The following CACNG5 variants were observed in gnomAD, a reference collection of about 807,000 sequenced individuals.
The protein encoded by CACNG5 is voltage-dependent calcium channel gamma-5 subunit.
CACNG5 carries 18 observed loss-of-function variants against 24.8 expected under a neutral mutation model. The observed-to-expected ratio is 0.73, with a 90% confidence interval of 0.50 to 1.08. The LOEUF (loss-of-function observed/expected upper bound fraction) is 1.08, where lower values mean the gene tolerates loss of function less well. CACNG5 is among the 50% of genes least tolerant of loss of function. The pLI is 0.00. For synonymous variants in CACNG5, 157 were observed against 149.1 expected (o/e 1.05, Z -0.39); for missense variants, 349 against 367.9 (o/e 0.95, Z 0.42).
At chr17:66,872,366 G>T (rs569503442) in intron 1 of CACNG5, among the ~76,000 whole-genome samples, 1 of 152,138 alleles carries the variant, frequency 6.6e-6, no homozygotes, top group Non-Finnish European at 1.5e-5. Flanking sequence ...GCAGAAGCTC[G>T]AACAAGGGTC....
chr17:66,863,787 T>C (rs1393807092), intron 1 of CACNG5, among the ~76,000 whole-genome samples: 1 of 152,250 alleles, frequency 6.6e-6, no homozygotes, highest in Non-Finnish European at 1.5e-5. Flanking sequence ...AGTAATTTTT[T>C]TGATTCAAGT....
At chr17:66,876,689 T>C (rs924756434) in intron 1 of CACNG5, among the ~76,000 whole-genome samples, 3 of 152,220 alleles carry the variant, frequency 2.0e-5, no homozygotes, top group Admixed American at 2.0e-4. Flanking sequence ...AAATCTTCCC[T>C]GCCTCTCTAC....
At chr17:66,852,081 A>G (rs2143049287) in intron 1 of CACNG5, among the ~76,000 whole-genome samples, 1 of 152,350 alleles carries the variant, frequency 6.6e-6, no homozygotes, top group East Asian at 1.9e-4. Flanking sequence ...ACAAAAAGGC[A>G]GGGGACAGGC....
intron 1 of CACNG5, among the ~76,000 whole-genome samples, chr17:66,863,858 A>G (rs139956468): frequency 1.7e-3 from 260 of 152,312 alleles, no homozygotes; most frequent in African/African-American, 5.6e-3. Context: ...GTTGCCTTCA[A>G]TGTTGAGGGA....
In CACNG5 at chr17:66,838,960, C is replaced by CTTTTTTTTTTTTTTTTTTTTTTTTTTTT. The variant is rs71160595; in HGVS notation, c.-104+3729_-104+3730insTTTTTTTTTTTTTTTTTTTTTTTTTTTT. Among the ~76,000 whole-genome samples the CTTTTTTTTTTTTTTTTTTTTTTTTTTTT allele has an allele frequency of 7.3e-4, 64 of 88,092 alleles. 3 individuals carry two copies. The highest frequency in any genetic ancestry group is 1.1e-3 in the Non-Finnish European group (53 of 47,296). The allele number at this position is 88,092 out of a possible 152,430, so 57.8% of individuals were successfully genotyped here. A position where few individuals can be genotyped will look rare whatever the true frequency, so the allele number is the denominator to read the frequency against. ...GTAGCACCCCAGTCCCTCACCCATT[C>CTTTTTTTTTTTTTTTTTTTTTTTTTTTT]TTTTTTTTTTTTTTTTTTTGAGACA... is the stretch of plus-strand genomic sequence containing the variant. On this transcript the variant is annotated intron_variant, in intron 1 of 5. Coordinates refer to ENST00000533854, the MANE Select transcript of CACNG5 (RefSeq NM_145811.3).
At chr17:66,855,330 C>G (rs908675954) in intron 1 of CACNG5, among the ~76,000 whole-genome samples, 16 of 152,310 alleles carry the variant, frequency 1.1e-4, no homozygotes, top group Middle Eastern at 3.4e-3. Flanking sequence ...TTAATTGGCC[C>G]CAGGCCCGGG....
chr17:66,876,865 G>T (rs931225618), intron 1 of CACNG5, among the ~76,000 whole-genome samples: 3 of 152,166 alleles, frequency 2.0e-5, no homozygotes, highest in East Asian at 1.9e-4. Flanking sequence ...GCCCTCAATA[G>T]GTCGCATTTA....
intron 1 of CACNG5, among the ~76,000 whole-genome samples, chr17:66,859,666 A>C (rs1424019664): frequency 6.6e-6 from 1 of 152,142 alleles, no homozygotes; most frequent in Non-Finnish European, 1.5e-5. Context: ...GGCTTCTCCA[A>C]TCCCTCCTTC....
intron 4 of CACNG5, among the ~76,000 whole-genome samples, chr17:66,884,007 C>G (rs1205471021): frequency 6.6e-6 from 1 of 152,116 alleles, no homozygotes. Context: ...TGGCAGGCAC[C>G]TGTAATCCCA....
At chr17:66,850,607 C>T (rs1006608261) in intron 1 of CACNG5, among the ~76,000 whole-genome samples, 1 of 151,882 alleles carries the variant, frequency 6.6e-6, no homozygotes, top group South Asian at 2.1e-4. Flanking sequence ...CATACACACA[C>T]ACACACACAC....
At chr17:66,852,595 A>T (rs988566817) in intron 1 of CACNG5, among the ~76,000 whole-genome samples, 4 of 152,238 alleles carry the variant, frequency 2.6e-5, no homozygotes, top group African/African-American at 9.6e-5. Context: ...TATAATTAGT[A>T]TATAATGAAA....
intron 4 of CACNG5, among the ~76,000 whole-genome samples, 165 bp from the exon 5 acceptor site, chr17:66,884,351 G>C (rs1006800703): frequency 6.6e-6 from 1 of 152,090 alleles, no homozygotes; most frequent in African/African-American, 2.4e-5. Context: ...GTCTGAACAG[G>C]GTGCTTGGGA....
At position 66,891,742 on chromosome 17, in the gene CACNG5, T is replaced by C. The variant is rs935485924; in HGVS notation, c.*6502T>C. ...AGATGTGAGGAGTGTCAGAGTTCCA[T>C]TGTGAGGAACACATGAGAGATGGGA... On this transcript the variant is annotated 3_prime_UTR_variant, in exon 6 of 6. Coordinates refer to ENST00000533854, the MANE Select transcript of CACNG5 (RefSeq NM_145811.3). Among the ~76,000 whole-genome samples, 7 of 152,216 alleles carry C rather than the reference T, an allele frequency of 4.6e-5. No homozygotes were observed. Among genetic ancestry groups the C allele is most frequent in the African/African-American group, 1.2e-4 (5 of 41,464 alleles).
At chr17:66,839,151 G>A (rs988888650) in intron 1 of CACNG5, among the ~76,000 whole-genome samples, 4 of 151,604 alleles carry the variant, frequency 2.6e-5, no homozygotes, top group Admixed American at 2.6e-4. Flanking sequence ...TAGTAGAGAT[G>A]GGGTTTTCCC....
intron 1 of CACNG5, among the ~76,000 whole-genome samples, chr17:66,877,004 TGAA>T (rs1977087122): frequency 2.6e-5 from 4 of 152,044 alleles, no homozygotes; most frequent in African/African-American, 9.7e-5. Context: ...AATGAATGAA[TGAA>T]TGAATGAATG....
chr17:66,865,508 G>A (rs1976916510), intron 1 of CACNG5, among the ~76,000 whole-genome samples: 2 of 151,916 alleles, frequency 1.3e-5, no homozygotes, highest in South Asian at 2.1e-4. Flanking sequence ...GTAGAAATAG[G>A]GACTCTTCTG....
intron 1 of CACNG5, among the ~76,000 whole-genome samples, chr17:66,860,340 C>T (rs1328589122): frequency 6.6e-6 from 1 of 152,162 alleles, no homozygotes; most frequent in Non-Finnish European, 1.5e-5. Context: ...CACCCAGACA[C>T]ATCATAGTCA....
intron 1 of CACNG5, among the ~76,000 whole-genome samples, chr17:66,859,661 C>T (rs182864072): frequency 3.3e-5 from 5 of 152,266 alleles, no homozygotes; most frequent in Admixed American, 1.3e-4. Context: ...CCCCAGGCTT[C>T]TCCAATCCCT....
intron 1 of CACNG5, among the ~76,000 whole-genome samples, chr17:66,840,778 C>T (rs77459071): frequency 0.018 from 2,671 of 152,264 alleles, 40 homozygotes; most frequent in Middle Eastern, 0.027. Context: ...ACAGCGAGAC[C>T]CCAGGAAGGA....
Sources: gnomAD v4.1 joint callset for allele counts (sites outside exome capture counted in the v4.1 genomes callset) on GRCh38, gnomAD v4.1.1 for gene constraint, MANE v1.5 for transcripts, NCBI Gene and HGNC (gene_info 2026-07-23, HGNC 2026-07-21) for gene names.